LRRC8C: variants seen among roughly 807,000 people sequenced by gnomAD.
LRRC8C encodes leucine rich repeat containing 8 VRAC subunit C, also known as volume-regulated anion channel subunit LRRC8C.
In LRRC8C, 20 loss-of-function variants were observed where a neutral mutation model predicts 55.3. The observed-to-expected ratio is 0.36, with a 90% CI of 0.25 to 0.53. The LOEUF (loss-of-function observed/expected upper bound fraction) is 0.53. Among genes scored for constraint, LRRC8C ranks in the 20% least tolerant of loss-of-function variants. LRRC8C has a pLI of 0.92. For missense variants in LRRC8C, 659 were observed against 951.4 expected (o/e 0.69, Z 4.04); for synonymous variants, 376 against 360.7 (o/e 1.04, Z -0.48).
chr1:89,670,849 C>T (rs1458720396), intron 1 of LRRC8C, among the ~76,000 whole-genome samples: 1 of 152,086 alleles, frequency 6.6e-6, no homozygotes, highest in South Asian at 2.1e-4. Flanking sequence ...GTTTTATACC[C>T]TGTTTGTCTC....
chr1:89,667,127 C>G (rs906751421), intron 1 of LRRC8C, among the ~76,000 whole-genome samples: 4 of 152,108 alleles, frequency 2.6e-5, no homozygotes, highest in Non-Finnish European at 5.9e-5. Flanking sequence ...TATCTGGTGG[C>G]AGAATGCTCC....
chr1:89,637,209 A>G (rs1295087470), intron 1 of LRRC8C, among the ~76,000 whole-genome samples: 1 of 152,060 alleles, frequency 6.6e-6, no homozygotes, highest in Non-Finnish European at 1.5e-5. Context: ...TAGGTTGCAA[A>G]TATACCGAGC....
In LRRC8C at chr1:89,683,362, A is replaced by ATT. The variant is rs71084957; in HGVS notation, c.-4-3094_-4-3093dup. 5.1e-3 allele frequency among the ~76,000 whole-genome samples: 739 copies of ATT among 144,278 alleles called. 1 individual carries two copies. The highest frequency in any genetic ancestry group is 0.014 in the Middle Eastern group (4 of 290). 94.7% of individuals were successfully genotyped at this position (144,278 alleles called of 152,430 possible). ...TCCATTCAAAGTACAAGATAGACTAATTTTTTTTTTTTTTTAAGATGGAGT... is the reference window on the plus strand; with the variant it reads ...TCCATTCAAAGTACAAGATAGACTAATTTTTTTTTTTTTTTTTAAGATGGAGT... On this transcript the variant is annotated intron_variant, in intron 1 of 2. Transcript: ENST00000370454.
At chr1:89,646,137 T>A in intron 1 of LRRC8C, among the ~76,000 whole-genome samples, 1 of 150,774 alleles carries the variant, frequency 6.6e-6, no homozygotes, top group Non-Finnish European at 1.5e-5. Flanking sequence ...ATCAGATGAG[T>A]GACAGAAAAA....
chr1:89,706,475 A>C, intron 2 of LRRC8C: 1 of 371,102 alleles, frequency 2.7e-6, no homozygotes, highest in Non-Finnish European at 5.3e-6. Flanking sequence ...TGTCTTAATG[A>C]TTCTAACAAA....
chr1:89,672,772 C>T (rs893178353), intron 1 of LRRC8C, among the ~76,000 whole-genome samples: 2 of 149,484 alleles, frequency 1.3e-5, no homozygotes, highest in African/African-American at 2.5e-5. Flanking sequence ...TCCATTTCTT[C>T]GTTGACTGGA....
intron 1 of LRRC8C, among the ~76,000 whole-genome samples, chr1:89,685,469 G>A (rs541355465): frequency 6.6e-6 from 1 of 152,180 alleles, no homozygotes; most frequent in South Asian, 2.1e-4. Context: ...AATGTTTTTG[G>A]CCCTCCTTGG....
chr1:89,685,259 C>T (rs57558885), intron 1 of LRRC8C, among the ~76,000 whole-genome samples: 2,066 of 149,912 alleles, frequency 0.014, 34 homozygotes, highest in African/African-American at 0.049. Context: ...GCTGGGACTA[C>T]AGGCGCCCGC....
intron 1 of LRRC8C, among the ~76,000 whole-genome samples, chr1:89,659,706 G>A (rs111539363): frequency 2.0e-3 from 301 of 152,254 alleles, no homozygotes; most frequent in Non-Finnish European, 3.7e-3. Context: ...TTATAAATAT[G>A]GACCCCATCA....
At chr1:89,669,748 C>A (rs944020785) in intron 1 of LRRC8C, among the ~76,000 whole-genome samples, 2 of 152,174 alleles carry the variant, frequency 1.3e-5, no homozygotes, top group Non-Finnish European at 2.9e-5. Context: ...CTCCCAACCA[C>A]TATGATTCTG....
intron 2 of LRRC8C, among the ~76,000 whole-genome samples, chr1:89,689,035 G>A (rs961994963): frequency 1.3e-5 from 2 of 152,222 alleles, no homozygotes; most frequent in Non-Finnish European, 2.9e-5. Flanking sequence ...AGAGGCTCAG[G>A]AGGACAGCAG....
the LRRC8C span, among the ~76,000 whole-genome samples, chr1:89,618,527 A>G: frequency 1.3e-5 from 2 of 152,210 alleles, no homozygotes; most frequent in South Asian, 2.1e-4. Flanking sequence ...ATTGAACTGG[A>G]TAAAACTAAA....
intron 1 of LRRC8C, chr1:89,668,024 T>C (rs1657319181): frequency 6.6e-6 from 1 of 152,564 alleles, no homozygotes; most frequent in Admixed American, 6.6e-5. Flanking sequence ...AGCTGAAACA[T>C]CAGGGAAAGG....
chr1:89,650,984 T>A (rs988716065), intron 1 of LRRC8C, among the ~76,000 whole-genome samples: 2 of 152,178 alleles, frequency 1.3e-5, no homozygotes, highest in East Asian at 3.9e-4. Flanking sequence ...GACATTGACA[T>A]TCAAGTGCTC....
At position 89,718,149 on chromosome 1, in the gene LRRC8C, A is replaced by C. The variant is rs1251057989; in HGVS notation, c.*3167A>C. On this transcript the variant is annotated 3_prime_UTR_variant, in exon 3 of 3. Transcript: ENST00000370454. Reference sequence around the variant, plus strand: ...CTCTTTTAATATAAAGATTCTTGATACAGTGAAATCTCTTATTTCAAGTGT... The same window carrying C: ...CTCTTTTAATATAAAGATTCTTGATCCAGTGAAATCTCTTATTTCAAGTGT... 6.6e-6 allele frequency: 1 copy of C among 152,204 alleles called. No homozygotes were observed. Among genetic ancestry groups the C allele is most frequent in the Non-Finnish European group, 1.5e-5 (1 of 68,018 alleles). The allele number at this position is 152,204 out of a possible 1,614,324, so 9.4% of individuals were successfully genotyped here.
At chr1:89,699,737 C>T (rs2101323432) in intron 2 of LRRC8C, among the ~76,000 whole-genome samples, 1 of 152,188 alleles carries the variant, frequency 6.6e-6, no homozygotes, top group East Asian at 1.9e-4. Context: ...TGGCGATTGC[C>T]CCCAAATATG....
chr1:89,715,776 ATAAT>A lies in LRRC8C; in HGVS notation c.*798_*801del, dbSNP rs1342441118. ...TAGATTTATTTTAATATTCTAATAG[ATAAT>A]TAAATTTTAAAATGATAGAAGCCTG... On this transcript the variant is annotated 3_prime_UTR_variant, in exon 3 of 3. Transcript: ENST00000370454. The A allele has an allele frequency of 1.3e-5, 2 of 152,316 alleles. No homozygotes were observed. Among genetic ancestry groups the A allele is most frequent in the African/African-American group, 4.8e-5 (2 of 41,564 alleles). The allele number at this position is 152,316 out of a possible 1,614,324, so 9.4% of individuals were successfully genotyped here.
intron 1 of LRRC8C, chr1:89,676,402 T>A (rs2101251342): frequency 6.6e-6 from 1 of 152,356 alleles, no homozygotes; most frequent in Non-Finnish European, 1.5e-5. Flanking sequence ...CCTGACTTCT[T>A]TCCTCATCTC....
the LRRC8C span, among the ~76,000 whole-genome samples, chr1:89,618,326 T>C: frequency 2.0e-5 from 3 of 152,320 alleles, 1 homozygote; most frequent in Middle Eastern, 0.01. Context: ...ATATACTCTT[T>C]ATTATACCAC....
Sources: gnomAD v4.1 joint callset for allele counts (sites outside exome capture counted in the v4.1 genomes callset) on GRCh38, gnomAD v4.1.1 for gene constraint, MANE v1.5 for transcripts, NCBI Gene and HGNC (gene_info 2026-07-23, HGNC 2026-07-21) for gene names.